The following TRAPPC9 variants were observed in gnomAD, a reference collection of about 807,000 sequenced individuals.
TRAPPC9 encodes the protein IKK2 binding protein.
TRAPPC9 carries 83 observed loss-of-function variants against 124.0 expected under a neutral mutation model. The ratio of observed to expected loss-of-function variants is 0.67; its 90% CI spans 0.56 to 0.80. The LOEUF (loss-of-function observed/expected upper bound fraction) is 0.80, where lower values mean the gene tolerates loss of function less well. TRAPPC9 is among the 30% of genes least tolerant of loss of function. TRAPPC9 has a pLI of 0.00. For missense variants in TRAPPC9, 1,302 were observed against 1,508.3 expected (o/e 0.86, Z 2.27); for synonymous variants, 638 against 617.5 (o/e 1.03, Z -0.49).
intron 10 of TRAPPC9, among the ~76,000 whole-genome samples, chr8:140,307,033 T>A (rs1438110031): frequency 2.0e-5 from 3 of 152,178 alleles, no homozygotes; most frequent in Non-Finnish European, 4.4e-5. Context: ...ACACACGGTC[T>A]CCTTGCAGCC....
intron 8 of TRAPPC9, among the ~76,000 whole-genome samples, chr8:140,363,521 T>C (rs1344959220): frequency 6.6e-6 from 1 of 152,222 alleles, no homozygotes; most frequent in Non-Finnish European, 1.5e-5. Flanking sequence ...ACATTTATCA[T>C]TTTTAATCTC....
intron 2 of TRAPPC9, among the ~76,000 whole-genome samples, chr8:140,443,648 C>A (rs2071127809): frequency 6.6e-6 from 1 of 152,118 alleles, no homozygotes; most frequent in Non-Finnish European, 1.5e-5. Context: ...CACCTGAAAT[C>A]TCAGCACTTT....
At chr8:140,222,540 G>T (rs572026126) in intron 16 of TRAPPC9, among the ~76,000 whole-genome samples, 1 of 152,004 alleles carries the variant, frequency 6.6e-6, no homozygotes, top group Non-Finnish European at 1.5e-5. Flanking sequence ...CACACAGCTC[G>T]CAGAGTCTCC....
intron 21 of TRAPPC9, among the ~76,000 whole-genome samples, chr8:139,861,806 C>T (rs575098225): frequency 6.6e-6 from 1 of 152,138 alleles, no homozygotes; most frequent in Admixed American, 6.5e-5. Context: ...ACTGTCTCCC[C>T]TGCCTGCCAT....
At chr8:139,874,934 C>T (rs1025507378) in intron 21 of TRAPPC9, among the ~76,000 whole-genome samples, 5 of 152,180 alleles carry the variant, frequency 3.3e-5, no homozygotes, top group Non-Finnish European at 7.3e-5. Context: ...CTCCACCCAC[C>T]GGTTTCTTCC....
chr8:139,929,745 G>A (rs1037350229), intron 19 of TRAPPC9, among the ~76,000 whole-genome samples: 8 of 152,260 alleles, frequency 5.3e-5, no homozygotes, highest in African/African-American at 1.9e-4. Flanking sequence ...TGTGTGGGGA[G>A]TGGACTCAGG....
intron 20 of TRAPPC9, among the ~76,000 whole-genome samples, chr8:139,909,277 G>A (rs1831558275): frequency 6.6e-6 from 1 of 152,158 alleles, no homozygotes; most frequent in South Asian, 2.1e-4. Context: ...TTTTGGGGCT[G>A]TTTCCTACCT....
intron 5 of TRAPPC9, among the ~76,000 whole-genome samples, chr8:140,407,566 AG>A (rs2069538288): frequency 6.6e-6 from 1 of 152,136 alleles, no homozygotes; most frequent in Admixed American, 6.6e-5. Flanking sequence ...TTTTAAAGAA[AG>A]GGCATCTCCA....
chr8:140,008,819 A>G (rs770858819), intron 18 of TRAPPC9, among the ~76,000 whole-genome samples: 7 of 152,230 alleles, frequency 4.6e-5, no homozygotes, highest in Admixed American at 2.0e-4. Context: ...GGCGTTTAAG[A>G]TAATTCCTTT....
At chr8:140,103,585 A>T (rs2130403911) in intron 17 of TRAPPC9, among the ~76,000 whole-genome samples, 1 of 151,846 alleles carries the variant, frequency 6.6e-6, no homozygotes, top group South Asian at 2.1e-4. Context: ...AAAATGTCAT[A>T]GTGCTGCTGT....
At chr8:140,083,287 AAC>A (rs1251652961) in intron 17 of TRAPPC9, among the ~76,000 whole-genome samples, 8 of 152,346 alleles carry the variant, frequency 5.3e-5, no homozygotes, top group African/African-American at 1.7e-4. Context: ...GGAGATATCA[AAC>A]AGTGTTTAAT....
chr8:140,226,705 C>T (rs945381715), intron 16 of TRAPPC9, among the ~76,000 whole-genome samples: 1 of 151,658 alleles, frequency 6.6e-6, no homozygotes, highest in African/African-American at 2.4e-5. Context: ...CTGGGCAACA[C>T]ACAACTCTAT....
intron 21 of TRAPPC9, among the ~76,000 whole-genome samples, chr8:139,866,384 C>G (rs1173603021): frequency 6.6e-6 from 1 of 152,142 alleles, no homozygotes; most frequent in Non-Finnish European, 1.5e-5. Flanking sequence ...TGATGCACCC[C>G]GTGTGAGATA....
chr8:139,969,703 C>T (rs1365528870), intron 19 of TRAPPC9, among the ~76,000 whole-genome samples: 1 of 152,194 alleles, frequency 6.6e-6, no homozygotes, highest in African/African-American at 2.4e-5. Flanking sequence ...ATGCTCCTCG[C>T]CCCCCAGTGC....
chr8:140,068,697 C>T (rs1413659621), intron 17 of TRAPPC9, among the ~76,000 whole-genome samples: 1 of 152,158 alleles, frequency 6.6e-6, no homozygotes, highest in Non-Finnish European at 1.5e-5. Flanking sequence ...TTGCAGGCCA[C>T]AATCAAAGCC....
intron 17 of TRAPPC9, among the ~76,000 whole-genome samples, chr8:140,158,706 T>C (rs1256189776): frequency 6.6e-6 from 1 of 152,246 alleles, no homozygotes. Flanking sequence ...TCCTGCAAGC[T>C]GAGCAGCATC....
intron 21 of TRAPPC9, among the ~76,000 whole-genome samples, chr8:139,799,947 G>A (rs1823357506): frequency 6.6e-6 from 1 of 152,258 alleles, no homozygotes; most frequent in African/African-American, 2.4e-5. Context: ...GGGAAGTGAT[G>A]CGGGGCCCAG....
chr8:139,963,013 G>A (rs149233681), intron 19 of TRAPPC9, among the ~76,000 whole-genome samples: 104 of 152,288 alleles, frequency 6.8e-4, no homozygotes, highest in African/African-American at 2.3e-3. Context: ...TAATAAATGT[G>A]TGTTGTTTTA....
At chr8:140,008,415 C>T (rs4736129) in intron 18 of TRAPPC9, 100,167 of 152,238 alleles carry the variant, frequency 0.66, 33,703 homozygotes, top group African/African-American at 0.82. Context: ...AAGGATTCGC[C>T]GACTGGGCTG....
Sources: gnomAD v4.1 joint callset for allele counts (sites outside exome capture counted in the v4.1 genomes callset) on GRCh38, gnomAD v4.1.1 for gene constraint, MANE v1.5 for transcripts, NCBI Gene and HGNC (gene_info 2026-07-23, HGNC 2026-07-21) for gene names.